BMPR1B: variants seen among roughly 807,000 people sequenced by gnomAD.
The protein encoded by BMPR1B is bone morphogenetic protein receptor type-1B.
BMPR1B carries 12 observed loss-of-function variants against 59.1 expected under a neutral mutation model. The observed-to-expected ratio is 0.20, with a 90% CI of 0.13 to 0.33. The LOEUF (loss-of-function observed/expected upper bound fraction) is 0.33. Among genes scored for constraint, BMPR1B ranks in the 10% least tolerant of loss-of-function variants. BMPR1B has a pLI of 1.00. For missense variants in BMPR1B, 550 were observed against 610.9 expected (o/e 0.90, Z 1.05); for synonymous variants, 237 against 207.3 (o/e 1.14, Z -1.23).
chr4:94,761,015 C>T (rs1721740687), intron 1 of BMPR1B, among the ~76,000 whole-genome samples: 1 of 152,110 alleles, frequency 6.6e-6, no homozygotes, highest in Non-Finnish European at 1.5e-5. Flanking sequence ...AAACCATGCT[C>T]AGAAATAGAA....
intron 2 of BMPR1B, among the ~76,000 whole-genome samples, chr4:94,961,118 C>G (rs1324512505): frequency 3.3e-5 from 5 of 152,112 alleles, no homozygotes; most frequent in African/African-American, 1.2e-4. Flanking sequence ...TTTAGCACTG[C>G]TTTTTTAGGT....
At chr4:95,081,684 C>A (rs1426637256) in intron 3 of BMPR1B, among the ~76,000 whole-genome samples, 1 of 152,034 alleles carries the variant, frequency 6.6e-6, no homozygotes, top group Non-Finnish European at 1.5e-5. Flanking sequence ...GTTTTAGAAC[C>A]TATATTGTAA....
intron 2 of BMPR1B, among the ~76,000 whole-genome samples, chr4:94,988,253 A>T (rs1721534428): frequency 6.6e-6 from 1 of 152,122 alleles, no homozygotes; most frequent in African/African-American, 2.4e-5. Flanking sequence ...AGTACTGATA[A>T]TACAGCTGGA....
rs566241777 is a variant in BMPR1B, at chr4:94,978,611, G to A, written c.-112-17429G>A. 6.6e-5 allele frequency among the ~76,000 whole-genome samples: 10 copies of A among 152,274 alleles called. No individual in the cohort carries two copies. The South Asian group carries it at 1.2e-3, about 19-fold the overall frequency. On this transcript the variant is annotated intron_variant, in intron 2 of 12. Coordinates refer to ENST00000515059, the MANE Select transcript of BMPR1B (RefSeq NM_001203.3). ...CACACCAAACATTTATTGGTGGTAC[G>A]AGCATGGGAAATCATATAATATCAC...
intron 2 of BMPR1B, among the ~76,000 whole-genome samples, chr4:94,926,687 C>T (rs1266284799): frequency 6.6e-6 from 1 of 151,880 alleles, no homozygotes; most frequent in Non-Finnish European, 1.5e-5. Flanking sequence ...TTGAATCTTA[C>T]AGTGTTATAA....
chr4:94,846,123 C>T (rs1485704632), intron 1 of BMPR1B, among the ~76,000 whole-genome samples: 1 of 152,124 alleles, frequency 6.6e-6, no homozygotes, highest in Non-Finnish European at 1.5e-5. Context: ...TACATGTTAC[C>T]AGTCAAACAG....
At chr4:94,963,785 T>G (rs947344437) in intron 2 of BMPR1B, among the ~76,000 whole-genome samples, 2 of 152,160 alleles carry the variant, frequency 1.3e-5, no homozygotes. Flanking sequence ...CCCATAGCTT[T>G]GTTCTTTTTG....
chr4:94,888,692 C>T (rs1244441736), intron 2 of BMPR1B, among the ~76,000 whole-genome samples: 1 of 152,050 alleles, frequency 6.6e-6, no homozygotes, highest in Non-Finnish European at 1.5e-5. Context: ...GGAAGGCTGA[C>T]TGTAAATTTT....
At chr4:95,078,452 C>G (rs2093983997) in intron 3 of BMPR1B, among the ~76,000 whole-genome samples, 1 of 152,148 alleles carries the variant, frequency 6.6e-6, no homozygotes, top group South Asian at 2.1e-4. Context: ...GCACTGGGCT[C>G]TGTACTAAGT....
At chr4:94,864,443 A>G (rs1020955942) in intron 1 of BMPR1B, among the ~76,000 whole-genome samples, 1 of 152,034 alleles carries the variant, frequency 6.6e-6, no homozygotes, top group Admixed American at 6.5e-5. Context: ...GTGTAGAACA[A>G]GGAAGGATTG....
chr4:94,930,200 A>G (rs540066564), intron 2 of BMPR1B, among the ~76,000 whole-genome samples: 2 of 152,220 alleles, frequency 1.3e-5, no homozygotes, highest in South Asian at 2.1e-4. Flanking sequence ...TGACTTTTCC[A>G]AAATTCCTAA....
At chr4:94,792,479 A>G (rs1723021861) in intron 1 of BMPR1B, among the ~76,000 whole-genome samples, 1 of 152,030 alleles carries the variant, frequency 6.6e-6, no homozygotes, top group Non-Finnish European at 1.5e-5. Context: ...AACATAACAC[A>G]CACACACATA....
intron 3 of BMPR1B, among the ~76,000 whole-genome samples, chr4:95,094,328 C>T (rs1447611037): frequency 2.6e-5 from 4 of 151,468 alleles, no homozygotes; most frequent in African/African-American, 4.9e-5. Context: ...CTTTGCTCAC[C>T]GTGATTAATC....
chr4:94,955,764 G>T (rs1730117784), intron 2 of BMPR1B, among the ~76,000 whole-genome samples: 1 of 151,914 alleles, frequency 6.6e-6, no homozygotes, highest in Non-Finnish European at 1.5e-5. Context: ...GAGTAGCTGG[G>T]GTTACAGGTG....
chr4:94,861,289 G>A (rs56353739), intron 1 of BMPR1B, among the ~76,000 whole-genome samples: 10,445 of 152,250 alleles, frequency 0.069, 919 homozygotes, highest in African/African-American at 0.21. Context: ...CAGGTGTTAT[G>A]AGGATTAAAT....
intron 3 of BMPR1B, among the ~76,000 whole-genome samples, chr4:95,005,064 G>A (rs1020163831): frequency 6.6e-6 from 1 of 152,108 alleles, no homozygotes; most frequent in Admixed American, 6.6e-5. Context: ...CACAATGTGA[G>A]TTTAAAATAT....
chr4:94,766,014 A>G (rs1721954876), intron 1 of BMPR1B, among the ~76,000 whole-genome samples: 1 of 152,184 alleles, frequency 6.6e-6, no homozygotes, highest in Non-Finnish European at 1.5e-5. Flanking sequence ...TATTTACATC[A>G]TAGGGATGTT....
intron 2 of BMPR1B, among the ~76,000 whole-genome samples, chr4:94,992,134 G>T (rs1425967186): frequency 2.0e-5 from 3 of 152,138 alleles, no homozygotes; most frequent in Non-Finnish European, 4.4e-5. Flanking sequence ...GACTCTTCAT[G>T]TATTCCTTGC....
chr4:94,770,926 C>G (rs1412319960), intron 1 of BMPR1B, among the ~76,000 whole-genome samples: 1 of 150,978 alleles, frequency 6.6e-6, no homozygotes, highest in East Asian at 1.9e-4. Context: ...GCTAGACCCC[C>G]TCCCATGATT....
Sources: allele counts gnomAD v4.1 joint callset (sites outside exome capture counted in the v4.1 genomes callset), GRCh38; gene constraint gnomAD v4.1.1; transcripts MANE v1.5; gene names NCBI Gene and HGNC (gene_info 2026-07-23, HGNC 2026-07-21).